ADGRV1: variants seen among roughly 807,000 people sequenced by gnomAD.
The protein encoded by ADGRV1 is adhesion G protein-coupled receptor V1, also known as G-protein coupled receptor 98.
ADGRV1 carries 359 observed loss-of-function variants against 596.2 expected under a neutral mutation model. That is an observed-to-expected ratio of 0.60 (90% CI 0.55 to 0.66). The LOEUF (loss-of-function observed/expected upper bound fraction) is 0.66, where lower values mean the gene tolerates loss of function less well. Ranked by LOEUF, ADGRV1 falls within the 30% of genes least tolerant of loss-of-function variation. The probability of loss-of-function intolerance (pLI) is 0.00; values close to 1 mark genes in which losing one functional copy is unlikely to be tolerated. For missense variants in ADGRV1, 7,274 were observed against 7,575.6 expected, an observed-to-expected ratio of 0.96 and a Z score of 1.48; for synonymous variants, 2,681 against 2,679.2, an observed-to-expected ratio of 1.00 and a Z score of -0.02.
chr5:90,926,268 C>A lies in ADGRV1; in HGVS notation c.17857-39147C>A, dbSNP rs868466564. Among the ~76,000 whole-genome samples the A allele has an allele frequency of 5.1e-3, 779 of 152,030 alleles. 9 individuals are homozygous for A. The highest frequency in any genetic ancestry group is 0.018 in the African/African-American group (739 of 41,444). On this transcript the variant is annotated intron_variant, in intron 83 of 89. Transcript: ENST00000405460. ...CTGTGAATCCATCTGGTCCTGGACTCTTTTTGGTTGGTAAACTATTGATTA... is the reference window on the plus strand; with the variant it reads ...CTGTGAATCCATCTGGTCCTGGACTATTTTTGGTTGGTAAACTATTGATTA...
chr5:91,051,623 T>C (rs1786337255), intron 85 of ADGRV1, among the ~76,000 whole-genome samples: 1 of 144,028 alleles, frequency 6.9e-6, no homozygotes, highest in East Asian at 2.2e-4. Flanking sequence ...CTCGGCTCAC[T>C]GCAAGCACCA....
intron 57 of ADGRV1, among the ~76,000 whole-genome samples, 168 bp from the exon 58 acceptor site, chr5:90,759,241 C>T (rs991735172): frequency 2.6e-5 from 4 of 152,006 alleles, no homozygotes; most frequent in South Asian, 2.1e-4. Context: ...AAATATAATA[C>T]GCAAAAAGAA....
intron 83 of ADGRV1, 133 bp downstream of exon 83, chr5:90,863,990 A>C: frequency 3.3e-6 from 2 of 613,604 alleles, no homozygotes; most frequent in East Asian, 5.7e-5. Context: ...TTGCAGTGGA[A>C]GAGAATGGGG....
chr5:90,837,026 A>G (rs1201570451), intron 77 of ADGRV1, among the ~76,000 whole-genome samples: 3 of 152,250 alleles, frequency 2.0e-5, no homozygotes, highest in Non-Finnish European at 4.4e-5. Flanking sequence ...GATTAATGCA[A>G]TTAAAACAGT....
chr5:90,565,210 C>T (rs1755484547), intron 1 of ADGRV1, among the ~76,000 whole-genome samples: 5 of 152,144 alleles, frequency 3.3e-5, no homozygotes, highest in Admixed American at 1.3e-4. Flanking sequence ...GCACTCCAGC[C>T]TGGGCAACAA....
At chr5:91,059,224 G>T (rs1787183358) in intron 85 of ADGRV1, among the ~76,000 whole-genome samples, 3 of 152,148 alleles carry the variant, frequency 2.0e-5, no homozygotes, top group Non-Finnish European at 4.4e-5. Context: ...TAAGGTAGAT[G>T]CCATTGTTTT....
intron 36 of ADGRV1, among the ~76,000 whole-genome samples, chr5:90,705,130 A>T: frequency 6.6e-6 from 1 of 152,060 alleles, no homozygotes; most frequent in South Asian, 2.1e-4. Context: ...TTTTTAAGCA[A>T]ATTATCTGGG....
At chr5:90,791,758 G>A (rs1490760243) in intron 70 of ADGRV1, 2 of 158,454 alleles carry the variant, frequency 1.3e-5, no homozygotes, top group African/African-American at 4.8e-5. Context: ...AAGAGGATTT[G>A]TGAATACAGA....
intron 85 of ADGRV1, among the ~76,000 whole-genome samples, chr5:91,034,811 C>G (rs781035864): frequency 6.6e-6 from 1 of 152,128 alleles, no homozygotes; most frequent in Non-Finnish European, 1.5e-5. Flanking sequence ...TCCTCTTTAT[C>G]CCCCTGTTAT....
intron 59 of ADGRV1, among the ~76,000 whole-genome samples, chr5:90,772,168 A>T (rs1757763038): frequency 6.6e-6 from 1 of 152,092 alleles, no homozygotes; most frequent in Non-Finnish European, 1.5e-5. Context: ...ATCATTCACA[A>T]TCCCCTACTT....
At chr5:90,873,834 T>G (rs1048444455) in intron 83 of ADGRV1, among the ~76,000 whole-genome samples, 2 of 152,040 alleles carry the variant, frequency 1.3e-5, no homozygotes, top group Admixed American at 1.3e-4. Flanking sequence ...TAACCATATT[T>G]GGGAATTAAA....
chr5:90,930,481 A>G (rs1337809972), intron 83 of ADGRV1, among the ~76,000 whole-genome samples: 2 of 152,212 alleles, frequency 1.3e-5, no homozygotes, highest in African/African-American at 4.8e-5. Flanking sequence ...GGTTTTGTAC[A>G]TGGACTTTTA....
intron 1 of ADGRV1, among the ~76,000 whole-genome samples, chr5:90,586,349 C>T (rs116413618): frequency 0.016 from 2,434 of 152,202 alleles, 68 homozygotes; most frequent in African/African-American, 0.056. Flanking sequence ...ATAAGTCCAC[C>T]TTCAAATTTC....
rs778423587 is a variant in ADGRV1, at chr5:90,863,792, G to A, written c.17791G>A (p.Ala5931Thr). ...GGCTGTTCTTTCCCATATCTTCTGT[G>A]CCAGGTACTCCATGTTTGCAGCTAA... ...CLAVLSHIFC[A>T]RYSMFAAKLL... Residue 5931 changes from alanine (A) to threonine (T), a missense_variant, in exon 83 of 90, where the codon GCC becomes ACC. Ala to Thr is a moderately conservative substitution (Grantham distance 58). Around this residue, in one of 5 missense-constraint regions of ADGRV1, gnomAD observed 1,874 missense variants for 1,970.2 expected, o/e 0.95. Transcript: ENST00000405460. The A allele has an allele frequency of 1.2e-6, 2 of 1,613,332 alleles. No individual in the cohort carries two copies. Among genetic ancestry groups the A allele is most frequent in the African/African-American group, 1.3e-5 (1 of 74,856 alleles).
At chr5:90,906,573 G>A (rs556269215) in intron 83 of ADGRV1, among the ~76,000 whole-genome samples, 1 of 152,104 alleles carries the variant, frequency 6.6e-6, no homozygotes, top group African/African-American at 2.4e-5. Context: ...GTTATCAGTT[G>A]TAATGTCTCC....
At chr5:90,882,347 T>C (rs1581410097) in intron 83 of ADGRV1, among the ~76,000 whole-genome samples, 1 of 152,340 alleles carries the variant, frequency 6.6e-6, no homozygotes, top group East Asian at 1.9e-4. Context: ...AAAGGAAATA[T>C]TGAATATCGT....
rs567255043 is a variant in ADGRV1 at position 90,851,754 on chromosome 5, C to T, written c.17205-1530C>T. ...ACATAGGTGTCATAGGATAAGGTAT[C>T]AGGGAAATTATGGTTATCAGCAAAT... On this transcript the variant is annotated intron_variant, in intron 79 of 89. Transcript: ENST00000405460. Among the ~76,000 whole-genome samples the T allele has an allele frequency of 4.6e-5, 7 of 152,236 alleles. No homozygotes were observed. The South Asian group carries it at 1.2e-3, about 27-fold the overall frequency.
chr5:91,093,106 G>A (rs898025956), intron 86 of ADGRV1, among the ~76,000 whole-genome samples: 2 of 152,320 alleles, frequency 1.3e-5, no homozygotes, highest in African/African-American at 4.8e-5. Context: ...ATTGATGCAT[G>A]AATTATTAAA....
At chr5:91,143,683 C>T (rs573685145) in intron 87 of ADGRV1, among the ~76,000 whole-genome samples, 1 of 152,282 alleles carries the variant, frequency 6.6e-6, no homozygotes, top group South Asian at 2.1e-4. Flanking sequence ...CATAAGTTCC[C>T]ACTCCAGTTT....
Sources: allele counts gnomAD v4.1 joint callset (sites outside exome capture counted in the v4.1 genomes callset), GRCh38; gene constraint gnomAD v4.1.1; regional missense constraint gnomAD v4.1.1; transcripts MANE v1.5; gene names NCBI Gene and HGNC (gene_info 2026-07-23, HGNC 2026-07-21).